Variants in CAMTA1 observed in about 807,000 individuals in gnomAD.
CAMTA1 encodes calmodulin-binding transcription activator 1.
CAMTA1 carries 27 observed loss-of-function variants against 170.9 expected under a neutral mutation model. That is an observed-to-expected ratio of 0.16 (90% confidence interval 0.12 to 0.22). The LOEUF is 0.22. CAMTA1 is among the 10% of genes least tolerant of loss of function. The pLI is 1.00. For missense variants in CAMTA1, 1,619 were observed against 2,217.2 expected, an observed-to-expected ratio of 0.73 and a Z score of 5.42; for synonymous variants, 833 against 891.5, an observed-to-expected ratio of 0.93 and a Z score of 1.17.
intron 3 of CAMTA1, among the ~76,000 whole-genome samples, chr1:6,988,356 G>A (rs1695714293): frequency 6.6e-6 from 1 of 152,124 alleles, no homozygotes; most frequent in Admixed American, 6.5e-5. Context: ...TGAAAACCCG[G>A]TTTCATTTTG....
At chr1:7,366,577 T>C (rs1482738388) in intron 5 of CAMTA1, among the ~76,000 whole-genome samples, 1 of 152,226 alleles carries the variant, frequency 6.6e-6, no homozygotes, top group Non-Finnish European at 1.5e-5. Flanking sequence ...AAGTAGATGC[T>C]CTCTCCTTGC....
At chr1:7,601,970 G>A (rs1022517355) in intron 6 of CAMTA1, among the ~76,000 whole-genome samples, 2 of 138,954 alleles carry the variant, frequency 1.4e-5, no homozygotes, top group Non-Finnish European at 3.2e-5. Context: ...GAGGGAGACT[G>A]TGGGGAGAGG....
intron 11 of CAMTA1, among the ~76,000 whole-genome samples, chr1:7,724,163 G>C (rs75557051): frequency 6.6e-6 from 1 of 152,190 alleles, no homozygotes; most frequent in African/African-American, 2.4e-5. Flanking sequence ...TGGAGAAACT[G>C]TCACAGATCC....
intron 3 of CAMTA1, among the ~76,000 whole-genome samples, chr1:6,926,466 TTCTTTCTTTC>T (rs1464039571): frequency 7.2e-6 from 1 of 138,928 alleles, no homozygotes; most frequent in African/African-American, 3.2e-5. Flanking sequence ...CTTTCTTTCT[TTCTTTCTTTC>T]TTTCTTTCTT....
chr1:7,135,662 C>T (rs887490129), intron 4 of CAMTA1, among the ~76,000 whole-genome samples: 1 of 152,180 alleles, frequency 6.6e-6, no homozygotes, highest in Non-Finnish European at 1.5e-5. Flanking sequence ...TGCCTTCAAG[C>T]TTCTACCACC....
At chr1:7,399,569 G>A (rs142231342) in intron 5 of CAMTA1, among the ~76,000 whole-genome samples, 8 of 152,302 alleles carry the variant, frequency 5.3e-5, no homozygotes, top group East Asian at 1.9e-4. Context: ...ATCTGCACCC[G>A]TGAGATTATG....
chr1:7,763,267 C>A (rs1424158916), intron 22 of CAMTA1, among the ~76,000 whole-genome samples: 1 of 151,522 alleles, frequency 6.6e-6, no homozygotes, highest in East Asian at 1.9e-4. Context: ...TTTTCTAATT[C>A]CTCCTTGAAC....
chr1:7,153,112 C>T (rs985528008), intron 4 of CAMTA1, among the ~76,000 whole-genome samples: 3 of 152,228 alleles, frequency 2.0e-5, no homozygotes, highest in Non-Finnish European at 4.4e-5. Flanking sequence ...CAGACTTCTG[C>T]CATGGGAAGC....
At chr1:7,278,928 G>C (rs928812658) in intron 5 of CAMTA1, among the ~76,000 whole-genome samples, 1 of 152,214 alleles carries the variant, frequency 6.6e-6, no homozygotes. Flanking sequence ...GGGGATCAGA[G>C]AGAGAAGCTC....
rs1229582841 is a variant in CAMTA1 at position 7,325,215 on chromosome 1, GATTCTAAACA to G, written c.438+75592_438+75601del. On this transcript the variant is annotated intron_variant, in intron 5 of 22. Transcript: ENST00000303635. This position sits in a 1 kb window ranked among gnomAD's most constrained non-coding sequence, Gnocchi z 5.0. ...ACTTGACATTCTAGCTGGGGTGACA[GATTCTAAACA>G]ATAAACATCCACGAGGAAATGATAG... Among the ~76,000 whole-genome samples, 4 of 152,216 alleles carry G rather than the reference GATTCTAAACA, an allele frequency of 2.6e-5. No individual in the cohort carries two copies. Among genetic ancestry groups the G allele is most frequent in the Admixed American group, 6.5e-5 (1 of 15,288 alleles).
chr1:6,930,949 C>G (rs369684038), intron 3 of CAMTA1, among the ~76,000 whole-genome samples: 13 of 152,378 alleles, frequency 8.5e-5, no homozygotes, highest in Admixed American at 6.5e-4. Flanking sequence ...CGCGTCTCCT[C>G]TGCACACATC....
chr1:7,096,576 T>C (rs189777168), intron 4 of CAMTA1, among the ~76,000 whole-genome samples: 111 of 152,332 alleles, frequency 7.3e-4, no homozygotes, highest in Admixed American at 2.5e-3. Context: ...TTTGTGGAGA[T>C]GCCAGAGCAT....
At chr1:6,976,868 G>T (rs950191345) in intron 3 of CAMTA1, among the ~76,000 whole-genome samples, 3 of 152,176 alleles carry the variant, frequency 2.0e-5, no homozygotes, top group Non-Finnish European at 2.9e-5. Context: ...CATGGGGACG[G>T]GTCTTTCCCA....
intron 5 of CAMTA1, among the ~76,000 whole-genome samples, chr1:7,356,665 T>C (rs2085138436): frequency 6.6e-6 from 1 of 152,032 alleles, no homozygotes. Flanking sequence ...ATGTCAGGGC[T>C]TGGCTCTGCA....
intron 6 of CAMTA1, among the ~76,000 whole-genome samples, chr1:7,568,980 C>T (rs1283932894): frequency 6.6e-6 from 1 of 151,292 alleles, no homozygotes; most frequent in East Asian, 2.0e-4. Flanking sequence ...CCACCACTAT[C>T]ACTATCTCCA....
At chr1:7,327,339 G>A (rs566901928) in intron 5 of CAMTA1, among the ~76,000 whole-genome samples, 32 of 149,936 alleles carry the variant, frequency 2.1e-4, no homozygotes, top group Admixed American at 9.3e-4. Flanking sequence ...CCCGGGAGAC[G>A]GAGCTTGCAG....
In CAMTA1 at chr1:7,118,043, C is replaced by T. The variant is rs148701845; in HGVS notation, c.302+26672C>T. ...GTGTTGGCTTACAAAGGCTTCATTA[C>T]CTCCAAGCCTGGAGGACAGGCTGAC... On this transcript the variant is annotated intron_variant, in intron 4 of 22. Coordinates refer to ENST00000303635, the MANE Select transcript of CAMTA1 (RefSeq NM_015215.4). Among the ~76,000 whole-genome samples the T allele has an allele frequency of 3.2e-4, 49 of 152,284 alleles. No homozygotes were observed. In the East Asian group the frequency reaches 7.7e-3, roughly 24 times the overall value.
At chr1:6,798,266 G>T (rs1490844282) in intron 1 of CAMTA1, among the ~76,000 whole-genome samples, 1 of 152,002 alleles carries the variant, frequency 6.6e-6, no homozygotes, top group Non-Finnish European at 1.5e-5. Context: ...GGGATTACAG[G>T]TGTGAGCTAC....
intron 5 of CAMTA1, among the ~76,000 whole-genome samples, chr1:7,314,173 T>C (rs1391661453): frequency 6.6e-6 from 1 of 152,228 alleles, no homozygotes; most frequent in Admixed American, 6.5e-5. Context: ...CTTGGTGCTG[T>C]TCTTCCATCC....
Sources: allele counts gnomAD v4.1 joint callset (sites outside exome capture counted in the v4.1 genomes callset), GRCh38; gene constraint gnomAD v4.1.1; non-coding constraint Gnocchi (gnomAD v3.1); transcripts MANE v1.5; gene names NCBI Gene and HGNC (gene_info 2026-07-23, HGNC 2026-07-21).